COL4A1: variants seen among roughly 807,000 people sequenced by gnomAD.
COL4A1 encodes collagen type IV alpha 1 chain, also known as collagen alpha-1(IV) chain.
COL4A1 carries 40 observed loss-of-function variants against 216.6 expected under a neutral mutation model. The ratio of observed to expected loss-of-function variants is 0.18; its 90% CI spans 0.14 to 0.24. The LOEUF (loss-of-function observed/expected upper bound fraction) is 0.24, where lower values mean the gene tolerates loss of function less well. COL4A1 is among the 10% of genes least tolerant of loss of function. The pLI, the probability that COL4A1 is intolerant of heterozygous loss-of-function variation, is 1.00. For missense variants in COL4A1, 1,628 were observed against 2,196.8 expected, an observed-to-expected ratio of 0.74 and a Z score of 5.18; for synonymous variants, 839 against 810.7, an observed-to-expected ratio of 1.03 and a Z score of -0.59.
At chr13:110,276,370 A>C (rs1883430955) in intron 1 of COL4A1, among the ~76,000 whole-genome samples, 1 of 152,338 alleles carries the variant, frequency 6.6e-6, no homozygotes, top group East Asian at 1.9e-4. Flanking sequence ...GCACTGGTTC[A>C]ATAAATCACT....
At position 110,176,345 on chromosome 13, in the gene COL4A1, G is replaced by A. The variant is rs1877884284; in HGVS notation, c.3058+79C>T. The A allele has an allele frequency of 8.3e-6, 8 of 960,326 alleles. No homozygotes were observed. In the East Asian group the frequency reaches 1.7e-4, roughly 20 times the overall value. 59.5% of individuals were successfully genotyped at this position (960,326 alleles called of 1,614,324 possible). A position where few individuals can be genotyped will look rare whatever the true frequency, so the allele number is the denominator to read the frequency against. ...CTGGATTCTGTCCGTCTCAGCTGAA[G>A]AGGATCTCATTCTGCAGACATGCCC... On this transcript the variant is annotated intron_variant, in intron 36 of 51. Coordinates refer to ENST00000375820, the MANE Select transcript of COL4A1 (RefSeq NM_001845.6).
chr13:110,253,436 TTAC>T (rs1477307390), intron 1 of COL4A1, among the ~76,000 whole-genome samples: 4 of 18,540 alleles, frequency 2.2e-4, no homozygotes, highest in African/African-American at 4.5e-4. Flanking sequence ...ATTATATGTA[TTAC>T]ATATACATAT....
intron 11 of COL4A1, among the ~76,000 whole-genome samples, 189 bp from the exon 12 acceptor site, chr13:110,209,079 A>G (rs1045242357): frequency 1.1e-4 from 17 of 152,254 alleles, no homozygotes; most frequent in African/African-American, 3.9e-4. Flanking sequence ...TTTTTAAAGT[A>G]TGACTGATCA....
chr13:110,255,909 AAGGCAGGAAGGGAG>A (rs1566421449), intron 1 of COL4A1, among the ~76,000 whole-genome samples: 11 of 127,568 alleles, frequency 8.6e-5, no homozygotes, highest in Non-Finnish European at 1.7e-4. Flanking sequence ...AGGGAGGGGG[AAGGCAGGAAGGGAG>A]GGGGAAGGAG....
At chr13:110,164,799 G>A in intron 46 of COL4A1, 63 bp downstream of exon 46, 1 of 1,591,916 alleles carries the variant, frequency 6.3e-7, no homozygotes. Context: ...TGGGTGAGGA[G>A]GAACTCTGAC....
rs1162716238 is a variant in COL4A1 at position 110,174,428 on chromosome 13, C to T, written c.3406+18G>A. The T allele has an allele frequency of 6.2e-7, 1 of 1,612,984 alleles. No homozygotes were observed. Among genetic ancestry groups the T allele is most frequent in the East Asian group, 2.2e-5 (1 of 44,848 alleles). On this transcript the variant is annotated intron_variant, in intron 39 of 51. Coordinates refer to ENST00000375820, the MANE Select transcript of COL4A1 (RefSeq NM_001845.6). The stretch of plus-strand genomic sequence containing the variant: ...GTTCTCTATGTGCCCGGGCTGTGTC[C>T]CAAAGAGGGCCCTCTACCTGCTTCT...
At chr13:110,175,167 A>G in intron 37 of COL4A1, 51 bp downstream of exon 37, 1 of 1,608,548 alleles carries the variant, frequency 6.2e-7, no homozygotes, top group Non-Finnish European at 8.5e-7. Context: ...CTCAGGCAGC[A>G]TCTCCACTGA....
rs1473586578 is a variant in COL4A1 at position 110,213,687 on chromosome 13, G to A, written c.279+95C>T. ...TGAGCTGGGAGAGGAGATGGAGGACGAGGGCAAGGAGAAAGGAGGGAAAAG... is the reference window on the plus strand; with the variant it reads ...TGAGCTGGGAGAGGAGATGGAGGACAAGGGCAAGGAGAAAGGAGGGAAAAG... On this transcript the variant is annotated intron_variant, in intron 4 of 51. Transcript: ENST00000375820. The A allele has an allele frequency of 4.6e-5, 58 of 1,272,718 alleles. No individual in the cohort carries two copies. The Admixed American group carries it at 5.3e-4, about 12-fold the overall frequency. The allele number at this position is 1,272,718 out of a possible 1,614,324, so 78.8% of individuals were successfully genotyped here.
chr13:110,262,910 C>T (rs1194392061), intron 1 of COL4A1, among the ~76,000 whole-genome samples: 4 of 152,164 alleles, frequency 2.6e-5, no homozygotes, highest in Non-Finnish European at 4.4e-5. Flanking sequence ...GCCCTAAAGG[C>T]GGCTGCTAGC....
Position 110,250,387 on chromosome 13 carries a change from A to G in COL4A1, c.85-7653T>C, listed in dbSNP as rs186532255. On this transcript the variant is annotated intron_variant, in intron 1 of 51. Coordinates refer to ENST00000375820, the MANE Select transcript of COL4A1 (RefSeq NM_001845.6). ...CCAAGAAACCACACGCCTTGAGGAA[A>G]TGAGGGTGTTTTCTTGGCTTCTCTT... Among the ~76,000 whole-genome samples the G allele has an allele frequency of 2.1e-3, 315 of 152,302 alleles. 1 individual carries two copies. Among genetic ancestry groups the G allele is most frequent in the Non-Finnish European group, 3.5e-3 (238 of 68,024 alleles).
At chr13:110,282,327 A>G (rs968918548) in intron 1 of COL4A1, among the ~76,000 whole-genome samples, 5 of 152,174 alleles carry the variant, frequency 3.3e-5, no homozygotes, top group Admixed American at 2.0e-4. Context: ...GGACTCATGT[A>G]GAGTACTGGC....
intron 21 of COL4A1, among the ~76,000 whole-genome samples, chr13:110,195,370 G>C (rs1005518387): frequency 1.3e-5 from 2 of 152,206 alleles, no homozygotes; most frequent in Non-Finnish European, 2.9e-5. Context: ...TGAAGTATCT[G>C]TAGGTGCATC....
intron 1 of COL4A1, among the ~76,000 whole-genome samples, chr13:110,269,407 T>C (rs998000459): frequency 1.3e-5 from 2 of 152,212 alleles, no homozygotes; most frequent in Non-Finnish European, 2.9e-5. Context: ...TGCTGCAAGA[T>C]TGGGCCTGTA....
chr13:110,289,745 G>C (rs1002986034), intron 1 of COL4A1, among the ~76,000 whole-genome samples: 1 of 152,168 alleles, frequency 6.6e-6, no homozygotes, highest in Non-Finnish European at 1.5e-5. Flanking sequence ...CAACATCTCA[G>C]GTTCCTGATG....
rs1341520752 is a variant in COL4A1 at position 110,200,559 on chromosome 13, G to T, written c.1120+295C>A. ...GCTCAGTGGGAGCCGTGGGAAAAGA[G>T]GGGGGCAGGCTGGCTCTGGTGGGGT... On this transcript the variant is annotated intron_variant, in intron 20 of 51. Coordinates refer to ENST00000375820, the MANE Select transcript of COL4A1 (RefSeq NM_001845.6). Among the ~76,000 whole-genome samples, 3 of 152,100 alleles carry T rather than the reference G, an allele frequency of 2.0e-5. No homozygotes were observed. The South Asian group carries it at 6.2e-4, about 31-fold the overall frequency.
At chr13:110,233,460 G>A (rs958803996) in intron 2 of COL4A1, among the ~76,000 whole-genome samples, 2 of 152,114 alleles carry the variant, frequency 1.3e-5, no homozygotes, top group Admixed American at 6.6e-5. Flanking sequence ...ACTTTGGGGG[G>A]TGGAATCCAT....
rs146839919 is a variant in COL4A1, at chr13:110,170,868, A to G, written c.3557-136T>C. On this transcript the variant is annotated intron_variant, in intron 41 of 51. Transcript: ENST00000375820. Reference sequence around the variant, plus strand: ...CAGAGGGAGCTTCCAGGGACACCACAGGAAACTGCAGCAAGGGCTCCGATC... The same window carrying G: ...CAGAGGGAGCTTCCAGGGACACCACGGGAAACTGCAGCAAGGGCTCCGATC... 5.0e-5 allele frequency: 43 copies of G among 855,132 alleles called. No homozygotes were observed. The African/African-American group carries it at 6.1e-4, about 12-fold the overall frequency. 53.0% of individuals were successfully genotyped at this position (855,132 alleles called of 1,614,324 possible).
chr13:110,294,928 T>C (rs147489979), intron 1 of COL4A1, among the ~76,000 whole-genome samples: 249 of 152,366 alleles, frequency 1.6e-3, no homozygotes, highest in African/African-American at 5.7e-3. Context: ...ATTCATTTTA[T>C]AGGAAATGCA....
chr13:110,252,868 A>G (rs1882218958), intron 1 of COL4A1, among the ~76,000 whole-genome samples: 1 of 108,542 alleles, frequency 9.2e-6, no homozygotes, highest in Non-Finnish European at 1.8e-5. Context: ...TGTATTACAT[A>G]TACAGATAAC....
Sources: gnomAD v4.1 joint callset for allele counts (sites outside exome capture counted in the v4.1 genomes callset) on GRCh38, gnomAD v4.1.1 for gene constraint, MANE v1.5 for transcripts, NCBI Gene and HGNC (gene_info 2026-07-23, HGNC 2026-07-21) for gene names.